The following NFASC variants were observed in gnomAD, a reference collection of about 807,000 sequenced individuals.
The protein encoded by NFASC is neurofascin, also known as neurofascin homolog.
Under a neutral mutation model 147.5 loss-of-function variants are expected in NFASC, and 43 were observed. That is an observed-to-expected ratio of 0.29 (90% CI 0.23 to 0.38). The LOEUF is 0.38. NFASC is among the 10% of genes least tolerant of loss of function. The pLI is 1.00. For synonymous variants in NFASC, 622 were observed against 665.5 expected, an observed-to-expected ratio of 0.93 and a Z score of 1.01; for missense variants, 1,320 against 1,689.0, an observed-to-expected ratio of 0.78 and a Z score of 3.83.
chr1:204,947,461 G>C (rs145926193), intron 3 of NFASC, among the ~76,000 whole-genome samples: 1 of 152,154 alleles, frequency 6.6e-6, no homozygotes, highest in East Asian at 1.9e-4. Context: ...TCTGTGTCTC[G>C]AGGGCAGGGG....
At chr1:204,930,119 CTG>C (rs2092220478) in intron 2 of NFASC, among the ~76,000 whole-genome samples, 1 of 152,180 alleles carries the variant, frequency 6.6e-6, no homozygotes. Context: ...AAGGAAGAGA[CTG>C]AGAATGGAGG....
At chr1:204,887,752 A>G (rs943643182) in intron 1 of NFASC, among the ~76,000 whole-genome samples, 1 of 151,784 alleles carries the variant, frequency 6.6e-6, no homozygotes, top group African/African-American at 2.4e-5. Context: ...GTGTACCACA[A>G]CGCTCAGCTA....
chr1:204,906,509 C>T (rs1435249816), intron 1 of NFASC, among the ~76,000 whole-genome samples: 1 of 152,182 alleles, frequency 6.6e-6, no homozygotes, highest in Non-Finnish European at 1.5e-5. Context: ...ATGCCTCTAA[C>T]TCGCTGCGTG....
chr1:204,966,713 C>T (rs948118604), intron 8 of NFASC, among the ~76,000 whole-genome samples: 1 of 152,196 alleles, frequency 6.6e-6, no homozygotes, highest in Non-Finnish European at 1.5e-5. Flanking sequence ...ATGGGTTAAA[C>T]TGCTGCCTTA....
chr1:204,897,331 T>C (rs966834982), intron 1 of NFASC, among the ~76,000 whole-genome samples: 1 of 152,080 alleles, frequency 6.6e-6, no homozygotes, highest in Non-Finnish European at 1.5e-5. Flanking sequence ...AGGCTGGGAC[T>C]ATGAGGTCCT....
At chr1:204,883,754 G>A (rs941641555) in intron 1 of NFASC, among the ~76,000 whole-genome samples, 14 of 152,212 alleles carry the variant, frequency 9.2e-5, no homozygotes, top group South Asian at 6.2e-4. Flanking sequence ...CAGCAGCATG[G>A]GATTGGCAGG....
chr1:204,960,285 A>C (rs1485037271), intron 8 of NFASC, among the ~76,000 whole-genome samples: 1 of 152,238 alleles, frequency 6.6e-6, no homozygotes, highest in Non-Finnish European at 1.5e-5. Context: ...AATGGTATGT[A>C]ATGCAAAATA....
intron 7 of NFASC, among the ~76,000 whole-genome samples, chr1:204,956,282 C>T (rs994666927): frequency 6.6e-6 from 1 of 152,208 alleles, no homozygotes; most frequent in African/African-American, 2.4e-5. Flanking sequence ...CTGGCTCCTC[C>T]ATCACCTCAA....
rs2095211291 is a variant in NFASC, at chr1:204,970,654, C to T, written c.1042C>T (p.Leu348=). The T allele has an allele frequency of 1.2e-6, 2 of 1,614,066 alleles. No homozygotes were observed. The highest frequency in any genetic ancestry group is 1.7e-6 in the Non-Finnish European group (2 of 1,180,038). ...YWLDEPKNLI[L]APGEDGRLVC... ...GCTGGACGAACCCAAGAACCTTATT[C>T]TGGCTCCTGGCGAGGATGGGAGACT... The change falls in exon 11 of 30, where the codon CTG becomes TTG. Residue 348 remains leucine, a synonymous_variant. Transcript: ENST00000339876.
chr1:205,012,923 C>T, intron 29 of NFASC, 57 bp downstream of exon 29: 3 of 1,234,078 alleles, frequency 2.4e-6, no homozygotes, highest in Non-Finnish European at 2.4e-6. Flanking sequence ...CCCTGAGGCA[C>T]CACCCTCCCC....
At chr1:204,893,699 T>A (rs1026730286) in intron 1 of NFASC, among the ~76,000 whole-genome samples, 1 of 152,238 alleles carries the variant, frequency 6.6e-6, no homozygotes, top group African/African-American at 2.4e-5. Context: ...CGCTGCACTG[T>A]ATTGCGCTAA....
chr1:204,983,955 A>G (rs1220792985), intron 21 of NFASC: 6 of 1,017,306 alleles, frequency 5.9e-6, no homozygotes, highest in Non-Finnish European at 7.7e-6. Context: ...GGTACAGGCC[A>G]GCAGAGAACA....
At chr1:204,984,001 C>T in intron 21 of NFASC, 5 of 1,536,838 alleles carry the variant, frequency 3.3e-6, no homozygotes, top group Non-Finnish European at 4.5e-6. Context: ...CCTGCATAAC[C>T]AGCTCTCTGT....
intron 16 of NFASC, chr1:204,977,068 T>G: frequency 8.1e-7 from 1 of 1,233,750 alleles, no homozygotes. Flanking sequence ...TGGAGAGGGG[T>G]TTCTCGTTGT....
At chr1:204,910,721 T>C (rs2087224280) in intron 1 of NFASC, among the ~76,000 whole-genome samples, 1 of 152,090 alleles carries the variant, frequency 6.6e-6, no homozygotes, top group Non-Finnish European at 1.5e-5. Flanking sequence ...CAGGCTGGTC[T>C]TGAACACCTG....
At chr1:205,008,413 TGTGTGCCTCTCCC>T (rs2096180221) in intron 27 of NFASC, 1 of 152,798 alleles carries the variant, frequency 6.5e-6, no homozygotes, top group African/African-American at 2.4e-5. Flanking sequence ...CTCCTGCTGT[TGTGTGCCTCTCCC>T]CAGGTGTCTC....
chr1:204,875,192 T>G (rs2078526055), intron 1 of NFASC, among the ~76,000 whole-genome samples: 1 of 152,160 alleles, frequency 6.6e-6, no homozygotes, highest in Non-Finnish European at 1.5e-5. Context: ...TTGATTATCC[T>G]TAAGCTGGAT....
chr1:204,934,203 T>C (rs557583377), intron 2 of NFASC, among the ~76,000 whole-genome samples: 1 of 150,096 alleles, frequency 6.7e-6, no homozygotes, highest in Non-Finnish European at 1.5e-5. Context: ...AGAGAGCCAG[T>C]TGAGAAGAGT....
chr1:204,837,456 T>A lies in NFASC; in HGVS notation c.-200+8674T>A, dbSNP rs73075653. On this transcript the variant is annotated intron_variant, in intron 1 of 29. Transcript: ENST00000339876. ...CAGACTGTAGCAAACCTTGGCTTGC[T>A]GAGGAGTGAATTTTTTTGGCATTGG... 8.8e-3 allele frequency among the ~76,000 whole-genome samples: 1,337 copies of A among 152,294 alleles called. 19 individuals are homozygous for A. Among genetic ancestry groups the A allele is most frequent in the African/African-American group, 0.03 (1,244 of 41,562 alleles).
Sources: allele counts gnomAD v4.1 joint callset (sites outside exome capture counted in the v4.1 genomes callset), GRCh38; gene constraint gnomAD v4.1.1; transcripts MANE v1.5; gene names NCBI Gene and HGNC (gene_info 2026-07-23, HGNC 2026-07-21).